The following GPR176 variants were observed in gnomAD, a reference collection of about 807,000 sequenced individuals.
GPR176 encodes the protein G protein-coupled receptor 176, also known as G-protein coupled receptor 176.
A neutral mutation model predicts 35.4 loss-of-function variants in GPR176; 26 were observed. The observed-to-expected ratio is 0.74, with a 90% confidence interval of 0.54 to 1.02. GPR176 has a LOEUF of 1.02. Ranked by LOEUF, GPR176 falls within the 50% of genes least tolerant of loss-of-function variation. The probability of loss-of-function intolerance (pLI) is 0.00; values close to 1 mark genes in which losing one functional copy is unlikely to be tolerated. For missense variants in GPR176, 597 were observed against 665.3 expected, an observed-to-expected ratio of 0.90 and a Z score of 1.13; for synonymous variants, 278 against 271.3, an observed-to-expected ratio of 1.02 and a Z score of -0.24.
At position 39,835,315 on chromosome 15, in the gene GPR176, G is replaced by A. The variant is rs537574817; in HGVS notation, c.173-28057C>T. ...ATTACAGGAATGAGCCACTGTGCCC[G>A]GCCAAAATATCTTGTACCCCATAAA... On this transcript the variant is annotated intron_variant, in intron 1 of 2. Coordinates refer to ENST00000561100, the MANE Select transcript of GPR176 (RefSeq NM_007223.3). Among the ~76,000 whole-genome samples, 16 of 151,946 alleles carry A rather than the reference G, an allele frequency of 1.1e-4. No homozygotes were observed. The South Asian group carries it at 1.9e-3, about 18-fold the overall frequency.
chr15:39,801,894 G>A lies in GPR176; in HGVS notation c.786C>T (p.Ala262=), dbSNP rs374994208. ...ISIPYASQRE[A]ELHATLLSMV... Reference sequence around the variant, plus strand: ...TGGAGAGCAGGGTGGCGTGCAGCTCGGCCTCCCGCTGGGAGGCATAGGGAA... The same window carrying A: ...TGGAGAGCAGGGTGGCGTGCAGCTCAGCCTCCCGCTGGGAGGCATAGGGAA... Residue 262 remains alanine (A), a synonymous_variant, in exon 3 of 3, where the codon GCC becomes GCT. Transcript: ENST00000561100. The A allele has an allele frequency of 2.8e-5, 45 of 1,613,816 alleles. No individual in the cohort carries two copies. Among genetic ancestry groups the A allele is most frequent in the Non-Finnish European group, 3.3e-5 (39 of 1,179,884 alleles).
intron 1 of GPR176, among the ~76,000 whole-genome samples, chr15:39,904,622 G>A (rs1474965322): frequency 2.6e-5 from 4 of 152,198 alleles, no homozygotes; most frequent in African/African-American, 9.7e-5. Flanking sequence ...TGCAATTGGG[G>A]TTCACTGTGA....
chr15:39,818,175 A>G (rs937361019), intron 1 of GPR176, among the ~76,000 whole-genome samples: 2 of 152,226 alleles, frequency 1.3e-5, no homozygotes, highest in Admixed American at 1.3e-4. Context: ...TCCTCACTAA[A>G]GAAGTGTCAG....
At chr15:39,910,921 C>A (rs1348372899) in intron 1 of GPR176, among the ~76,000 whole-genome samples, 4 of 151,824 alleles carry the variant, frequency 2.6e-5, no homozygotes, top group African/African-American at 7.3e-5. Context: ...ACCTGTAATA[C>A]CAGCTACTCA....
chr15:39,867,029 T>C (rs1202828857), intron 1 of GPR176, among the ~76,000 whole-genome samples: 2 of 151,920 alleles, frequency 1.3e-5, no homozygotes, highest in Non-Finnish European at 2.9e-5. Flanking sequence ...AGAAAGAGAA[T>C]TCATATGAGG....
chr15:39,829,266 G>A lies in GPR176; in HGVS notation c.173-22008C>T. ...CGCTGGAAAAGCCACTTGGACTCGG[G>A]CATCAGAATGGATCAGGGAAAGAAC... is the stretch of plus-strand genomic sequence containing the variant. On this transcript the variant is annotated intron_variant, in intron 1 of 2. Transcript: ENST00000561100. 4.9e-6 allele frequency: 7 copies of A among 1,443,228 alleles called. No individual in the cohort carries two copies. In the South Asian group the frequency reaches 8.4e-5, roughly 17 times the overall value. The allele number at this position is 1,443,228 out of a possible 1,614,324, so 89.4% of individuals were successfully genotyped here.
intron 1 of GPR176, among the ~76,000 whole-genome samples, chr15:39,810,985 G>A (rs970021924): frequency 6.6e-6 from 1 of 152,040 alleles, no homozygotes. Flanking sequence ...GAGTCTCTTG[G>A]GTTTAAAGAA....
rs148485583 is a variant in GPR176, at chr15:39,848,658, G to A, written c.173-41400C>T. The stretch of plus-strand genomic sequence containing the variant: ...TCAAACTAGAAATTAGTAAAAGAAA[G>A]ACAACAGAAAAATCTTCAAATATTT... On this transcript the variant is annotated intron_variant, in intron 1 of 2. Coordinates refer to ENST00000561100, the MANE Select transcript of GPR176 (RefSeq NM_007223.3). 1.6e-3 allele frequency among the ~76,000 whole-genome samples: 239 copies of A among 152,046 alleles called. 2 individuals carry two copies. The highest frequency in any genetic ancestry group is 5.5e-3 in the African/African-American group (228 of 41,504).
At chr15:39,832,004 A>G (rs1256246959) in intron 1 of GPR176, among the ~76,000 whole-genome samples, 4 of 151,426 alleles carry the variant, frequency 2.6e-5, no homozygotes, top group Non-Finnish European at 1.5e-5. Flanking sequence ...GCACACACAC[A>G]CACACACACA....
At chr15:39,848,234 G>A (rs1047892865) in intron 1 of GPR176, among the ~76,000 whole-genome samples, 1 of 152,034 alleles carries the variant, frequency 6.6e-6, no homozygotes, top group Non-Finnish European at 1.5e-5. Context: ...ACACAGAGAG[G>A]CATATATAGT....
At chr15:39,841,562 C>T (rs2029992684) in intron 1 of GPR176, among the ~76,000 whole-genome samples, 1 of 152,118 alleles carries the variant, frequency 6.6e-6, no homozygotes, top group Admixed American at 6.6e-5. Context: ...TAGAGTGATG[C>T]ATCTATAAGC....
intron 1 of GPR176, chr15:39,860,989 CT>C (rs2031553088): frequency 6.6e-6 from 1 of 152,164 alleles, no homozygotes; most frequent in Admixed American, 6.5e-5. Context: ...TGAGATAGTA[CT>C]GACTGCAAGC....
At chr15:39,915,859 G>A (rs781437342) in intron 1 of GPR176, among the ~76,000 whole-genome samples, 3 of 152,164 alleles carry the variant, frequency 2.0e-5, no homozygotes, top group Non-Finnish European at 4.4e-5. Context: ...CAGCCTGAGC[G>A]ACAGAGTGAG....
chr15:39,909,063 T>C (rs1249508355), intron 1 of GPR176, among the ~76,000 whole-genome samples: 1 of 152,216 alleles, frequency 6.6e-6, no homozygotes, highest in Non-Finnish European at 1.5e-5. Context: ...AACCACCTGC[T>C]ACCTTCTGCT....
At chr15:39,818,544 C>T (rs117331963) in intron 1 of GPR176, among the ~76,000 whole-genome samples, 1,934 of 152,326 alleles carry the variant, frequency 0.013, 15 homozygotes, top group Middle Eastern at 0.02. Flanking sequence ...GAGACTCCAA[C>T]AATAGCTTCA....
intron 1 of GPR176, among the ~76,000 whole-genome samples, chr15:39,893,218 G>A (rs924195383): frequency 3.3e-5 from 5 of 152,164 alleles, no homozygotes; most frequent in Admixed American, 2.6e-4. Context: ...GTGAACAAAG[G>A]TCTCTGGTTT....
At position 39,821,059 on chromosome 15, in the gene GPR176, C is replaced by T. The variant is rs114902644; in HGVS notation, c.173-13801G>A. 3.4e-3 allele frequency among the ~76,000 whole-genome samples: 515 copies of T among 152,288 alleles called. 5 individuals are homozygous for T. The highest frequency in any genetic ancestry group is 0.012 in the African/African-American group (493 of 41,556). On this transcript the variant is annotated intron_variant, in intron 1 of 2. Coordinates refer to ENST00000561100, the MANE Select transcript of GPR176 (RefSeq NM_007223.3). The stretch of plus-strand genomic sequence containing the variant: ...GGTGATGGCCACAGTGACACAGATA[C>T]GCAGAGAATTCGCCTAACATTTTAG...
rs180758108 is a variant in GPR176 at position 39,917,647 on chromosome 15, T to C, written c.172+2208A>G. Among the ~76,000 whole-genome samples, 6 of 152,142 alleles carry C rather than the reference T, an allele frequency of 3.9e-5. No homozygotes were observed. In the East Asian group the frequency reaches 1.2e-3, roughly 30 times the overall value. On this transcript the variant is annotated intron_variant, in intron 1 of 2. Coordinates refer to ENST00000561100, the MANE Select transcript of GPR176 (RefSeq NM_007223.3). ...CACCACGCCAAGCCCAGCTGAACTTTTAAGGAAACCAGACATACTGTCCAT... is the reference window on the plus strand; with the variant it reads ...CACCACGCCAAGCCCAGCTGAACTTCTAAGGAAACCAGACATACTGTCCAT...
Position 39,800,975 on chromosome 15 carries a change from G to A in GPR176, c.*157C>T. 1 of 657,580 alleles carries A rather than the reference G, an allele frequency of 1.5e-6. No homozygotes were observed. The allele number at this position is 657,580 out of a possible 1,614,324, so 40.7% of individuals were successfully genotyped here. ...CAATAAAGAGGACACTGGATTTTAT[G>A]TAGATTTCCCTATCATTCAAAAGCA... On this transcript the variant is annotated 3_prime_UTR_variant, in exon 3 of 3. Coordinates refer to ENST00000561100, the MANE Select transcript of GPR176 (RefSeq NM_007223.3).
Sources: gnomAD v4.1 joint callset for allele counts (sites outside exome capture counted in the v4.1 genomes callset) on GRCh38, gnomAD v4.1.1 for gene constraint, MANE v1.5 for transcripts, NCBI Gene and HGNC (gene_info 2026-07-23, HGNC 2026-07-21) for gene names.